The following MACROD2 variants were observed in gnomAD, a reference collection of about 807,000 sequenced individuals.
MACROD2 encodes the protein ADP-ribose glycohydrolase MACROD2.
MACROD2 carries 36 observed loss-of-function variants against 70.4 expected under a neutral mutation model. The ratio of observed to expected loss-of-function variants is 0.51; its 90% CI spans 0.39 to 0.68. MACROD2 has a LOEUF of 0.68. Ranked by LOEUF, MACROD2 falls within the 30% of genes least tolerant of loss-of-function variation. The probability of loss-of-function intolerance (pLI) is 0.00; values close to 1 mark genes in which losing one functional copy is unlikely to be tolerated. For synonymous variants in MACROD2, 172 were observed against 178.8 expected (o/e 0.96, Z 0.30); for missense variants, 496 against 538.4 (o/e 0.92, Z 0.78).
intron 5 of MACROD2, among the ~76,000 whole-genome samples, chr20:14,688,937 C>A (rs1049011261): frequency 1.3e-5 from 2 of 152,218 alleles, no homozygotes; most frequent in African/African-American, 4.8e-5. Context: ...ACTTCTAATA[C>A]TTTTCCTTCC....
intron 6 of MACROD2, among the ~76,000 whole-genome samples, chr20:15,326,666 C>T (rs1247650904): frequency 2.0e-5 from 3 of 152,060 alleles, no homozygotes; most frequent in South Asian, 4.1e-4. Context: ...TTGGATAAGA[C>T]AAGGATGGGG....
chr20:14,656,913 G>A (rs545124730), intron 4 of MACROD2, among the ~76,000 whole-genome samples: 6 of 152,010 alleles, frequency 3.9e-5, no homozygotes, highest in Non-Finnish European at 8.8e-5. Flanking sequence ...GAGTTAAGAC[G>A]TACATGAGTG....
chr20:15,310,523 A>G (rs568077557), intron 6 of MACROD2, among the ~76,000 whole-genome samples: 1 of 152,298 alleles, frequency 6.6e-6, no homozygotes, highest in East Asian at 1.9e-4. Context: ...AGGCATGACT[A>G]TAGTAAAAAA....
intron 3 of MACROD2, among the ~76,000 whole-genome samples, chr20:14,379,362 G>A (rs1292914357): frequency 6.6e-6 from 1 of 151,982 alleles, no homozygotes; most frequent in Non-Finnish European, 1.5e-5. Context: ...GCTTTATTGA[G>A]GTGTAATTTA....
intron 5 of MACROD2, among the ~76,000 whole-genome samples, chr20:14,987,112 A>C (rs1337025554): frequency 6.6e-6 from 1 of 152,116 alleles, no homozygotes; most frequent in Non-Finnish European, 1.5e-5. Flanking sequence ...CATAGGAAAA[A>C]AGTTAATTTC....
At chr20:14,198,831 T>G (rs1267765156) in intron 3 of MACROD2, among the ~76,000 whole-genome samples, 3 of 152,236 alleles carry the variant, frequency 2.0e-5, no homozygotes, top group African/African-American at 7.2e-5. Flanking sequence ...CCTTTGTAAA[T>G]AATCTAAATG....
chr20:15,338,415 A>G (rs1038223929), intron 6 of MACROD2, among the ~76,000 whole-genome samples: 4 of 151,504 alleles, frequency 2.6e-5, no homozygotes, highest in African/African-American at 9.8e-5. Flanking sequence ...CCCTGCTGCC[A>G]TAGCGGAACC....
chr20:15,227,836 T>TTGTTTG lies in MACROD2; in HGVS notation c.419-2103_419-2102insGTTTGT, dbSNP rs1317872117. ...AGAATTTCACCTGTTTTTTTTTTTT[T>TTGTTTG]TTTTTTTTTTTTTCAAATTTAATTG... is the stretch of plus-strand genomic sequence containing the variant. On this transcript the variant is annotated intron_variant, in intron 5 of 17. Transcript: ENST00000684519. 2.4e-5 allele frequency among the ~76,000 whole-genome samples: 3 copies of TTGTTTG among 124,618 alleles called. 1 individual carries two copies. Among genetic ancestry groups the TTGTTTG allele is most frequent in the African/African-American group, 9.5e-5 (3 of 31,638 alleles). The allele number at this position is 124,618 out of a possible 152,430, so 81.8% of individuals were successfully genotyped here.
At chr20:14,369,519 A>G (rs1024951213) in intron 3 of MACROD2, among the ~76,000 whole-genome samples, 5 of 152,004 alleles carry the variant, frequency 3.3e-5, no homozygotes, top group African/African-American at 1.2e-4. Flanking sequence ...CAACCTGCCT[A>G]TTTTCAAGAG....
Position 14,896,613 on chromosome 20 carries a change from G to A in MACROD2, c.418+211654G>A, listed in dbSNP as rs1052814357. ...ACCTGAGGAAACAGAGCCTAAGAAG[G>A]TTCTCCTTATATGGATTCAGGTAGA... On this transcript the variant is annotated intron_variant, in intron 5 of 17. Transcript: ENST00000684519. Among the ~76,000 whole-genome samples the A allele has an allele frequency of 2.0e-5, 3 of 151,404 alleles. 1 individual carries two copies. In the East Asian group the frequency reaches 5.8e-4, roughly 29 times the overall value.
chr20:15,100,134 G>A (rs575080345), intron 5 of MACROD2, among the ~76,000 whole-genome samples: 5 of 151,878 alleles, frequency 3.3e-5, no homozygotes, highest in East Asian at 1.9e-4. Context: ...ACAGGGTCTC[G>A]CCATGTTGCC....
chr20:15,361,434 C>T (rs899824098), intron 6 of MACROD2, among the ~76,000 whole-genome samples: 2 of 152,090 alleles, frequency 1.3e-5, no homozygotes, highest in Admixed American at 6.6e-5. Flanking sequence ...TGTGTCAGCC[C>T]CTCTGTCAAT....
intron 3 of MACROD2, among the ~76,000 whole-genome samples, chr20:14,435,203 A>G (rs1036303826): frequency 6.6e-6 from 1 of 152,116 alleles, no homozygotes; most frequent in Non-Finnish European, 1.5e-5. Context: ...TTGTGGATAC[A>G]CAACTCCAAC....
chr20:15,261,072 G>A (rs562182657), intron 6 of MACROD2, among the ~76,000 whole-genome samples: 1 of 152,030 alleles, frequency 6.6e-6, no homozygotes, highest in African/African-American at 2.4e-5. Flanking sequence ...ACATTTCCAA[G>A]CCCAGCTTAA....
intron 6 of MACROD2, among the ~76,000 whole-genome samples, chr20:15,366,589 C>T (rs1355127552): frequency 6.6e-6 from 1 of 152,122 alleles, no homozygotes. Flanking sequence ...TACTCTGTTG[C>T]CCAGGCTGGG....
intron 3 of MACROD2, among the ~76,000 whole-genome samples, chr20:14,217,588 A>C (rs2081633979): frequency 6.6e-6 from 1 of 152,108 alleles, no homozygotes; most frequent in Admixed American, 6.5e-5. Context: ...GATTGGTACC[A>C]ATTCTTTTTT....
rs112192194 is a variant in MACROD2, at chr20:14,607,348, G to C, written c.302-77495G>C. Reference sequence around the variant, plus strand: ...TATCTTCATAAAATCCAAACAGTCTGATTCTAAAACACAATTGGCCCTAAA... The same window carrying C: ...TATCTTCATAAAATCCAAACAGTCTCATTCTAAAACACAATTGGCCCTAAA... On this transcript the variant is annotated intron_variant, in intron 4 of 17. Coordinates refer to ENST00000684519, the MANE Select transcript of MACROD2 (RefSeq NM_001351661.2). 1.2e-3 allele frequency among the ~76,000 whole-genome samples: 178 copies of C among 152,274 alleles called. 1 individual carries two copies. The highest frequency in any genetic ancestry group is 4.1e-3 in the African/African-American group (171 of 41,562).
chr20:15,539,536 G>C (rs2047925874), intron 8 of MACROD2, among the ~76,000 whole-genome samples: 1 of 152,200 alleles, frequency 6.6e-6, no homozygotes, highest in East Asian at 1.9e-4. Flanking sequence ...TACTGAAGTA[G>C]AATTCATTAA....
intron 5 of MACROD2, among the ~76,000 whole-genome samples, chr20:15,157,842 C>T (rs1267038440): frequency 1.3e-5 from 2 of 152,118 alleles, no homozygotes; most frequent in African/African-American, 4.8e-5. Flanking sequence ...AGCCCTCTTT[C>T]CCAGCCATAT....
Sources: gnomAD v4.1 joint callset for allele counts (sites outside exome capture counted in the v4.1 genomes callset) on GRCh38, gnomAD v4.1.1 for gene constraint, MANE v1.5 for transcripts, NCBI Gene and HGNC (gene_info 2026-07-23, HGNC 2026-07-21) for gene names.